Variants in NOL4 observed in about 807,000 individuals in gnomAD.
The protein encoded by NOL4 is nucleolar protein 4.
Under a neutral mutation model 75.9 loss-of-function variants are expected in NOL4, and 17 were observed. That is an observed-to-expected ratio of 0.22 (90% CI 0.15 to 0.34). The LOEUF is 0.34. Ranked by LOEUF, NOL4 falls within the 10% of genes least tolerant of loss-of-function variation. The pLI, the probability that NOL4 is intolerant of heterozygous loss-of-function variation, is 1.00. For missense variants in NOL4, 614 were observed against 793.5 expected (o/e 0.77, Z 2.72); for synonymous variants, 292 against 289.9 (o/e 1.01, Z -0.07).
intron 1 of NOL4, among the ~76,000 whole-genome samples, chr18:34,196,246 A>G (rs1287985093): frequency 1.3e-5 from 2 of 152,154 alleles, no homozygotes; most frequent in Non-Finnish European, 2.9e-5. Flanking sequence ...TAATGTGTGC[A>G]TATACTTACC....
chr18:33,975,810 C>G (rs2071448873), intron 6 of NOL4, among the ~76,000 whole-genome samples: 1 of 152,140 alleles, frequency 6.6e-6, no homozygotes, highest in South Asian at 2.1e-4. Context: ...AATTAATACA[C>G]ATGGAAATAA....
chr18:33,870,799 A>T (rs1249474219), intron 10 of NOL4, among the ~76,000 whole-genome samples: 3 of 152,110 alleles, frequency 2.0e-5, no homozygotes, highest in African/African-American at 7.2e-5. Context: ...TCCTAAATTC[A>T]GAAGACTGTA....
chr18:34,079,950 C>T (rs916913035), intron 5 of NOL4, among the ~76,000 whole-genome samples: 2 of 152,202 alleles, frequency 1.3e-5, no homozygotes, highest in Non-Finnish European at 2.9e-5. Flanking sequence ...CAGACTTAGC[C>T]TAAGGGCTGT....
At chr18:33,859,533 C>T (rs1211900814) in intron 10 of NOL4, among the ~76,000 whole-genome samples, 2 of 152,098 alleles carry the variant, frequency 1.3e-5, no homozygotes, top group Non-Finnish European at 2.9e-5. Flanking sequence ...TTATGACTTT[C>T]AATTTCTCCT....
At chr18:34,154,217 T>C (rs2029911882) in intron 1 of NOL4, among the ~76,000 whole-genome samples, 1 of 151,982 alleles carries the variant, frequency 6.6e-6, no homozygotes, top group African/African-American at 2.4e-5. Context: ...CTTAATACAG[T>C]AGTTAATGAC....
In NOL4 at chr18:34,163,335, G is replaced by C. The variant is rs374225575; in HGVS notation, c.265-33315C>G. Among the ~76,000 whole-genome samples, 387 of 151,612 alleles carry C rather than the reference G, an allele frequency of 2.6e-3. 1 individual carries two copies. The highest frequency in any genetic ancestry group is 4.5e-3 in the Non-Finnish European group (308 of 67,806). On this transcript the variant is annotated intron_variant, in intron 1 of 10. Coordinates refer to ENST00000261592, the MANE Select transcript of NOL4 (RefSeq NM_003787.5). Reference sequence around the variant, plus strand: ...TGCAGATGACATGATTGTATATCTAGAAAACCCCACTGTCTCAGCCCAAAA... The same window carrying C: ...TGCAGATGACATGATTGTATATCTACAAAACCCCACTGTCTCAGCCCAAAA...
intron 5 of NOL4, 36 bp downstream of exon 5, chr18:34,093,429 G>A: frequency 6.6e-7 from 1 of 1,520,234 alleles, no homozygotes; most frequent in Non-Finnish European, 8.9e-7. Context: ...TTTTTTTGCT[G>A]TTGTTTTGCT....
chr18:34,075,679 G>A (rs950191567), intron 5 of NOL4, among the ~76,000 whole-genome samples: 13 of 152,114 alleles, frequency 8.5e-5, no homozygotes, highest in African/African-American at 2.7e-4. Flanking sequence ...TTAGAGACAC[G>A]GTCAAGGTGA....
intron 8 of NOL4, among the ~76,000 whole-genome samples, chr18:33,949,746 T>C (rs2069081744): frequency 6.6e-6 from 1 of 152,120 alleles, no homozygotes; most frequent in Admixed American, 6.6e-5. Flanking sequence ...TTAGAAATAT[T>C]TCATTTATGA....
At position 33,929,258 on chromosome 18, in the gene NOL4, C is replaced by T. The variant is rs375376564; in HGVS notation, c.1542+13807G>A. Reference sequence around the variant, plus strand: ...CTTCACAACAATCTCAAGTTTCCTCCATAAGAAACTGCTGTTTTTGATAGT... The same window carrying T: ...CTTCACAACAATCTCAAGTTTCCTCTATAAGAAACTGCTGTTTTTGATAGT... On this transcript the variant is annotated intron_variant, in intron 9 of 10. Coordinates refer to ENST00000261592, the MANE Select transcript of NOL4 (RefSeq NM_003787.5). Among the ~76,000 whole-genome samples the T allele has an allele frequency of 7.2e-4, 109 of 152,236 alleles. 1 individual carries two copies. The South Asian group carries it at 0.02, about 28-fold the overall frequency.
chr18:33,924,600 T>C (rs940973315), intron 9 of NOL4, among the ~76,000 whole-genome samples: 1 of 152,188 alleles, frequency 6.6e-6, no homozygotes, highest in Non-Finnish European at 1.5e-5. Context: ...CTCATCCCAG[T>C]ATGTAAATAC....
At chr18:34,106,679 G>A (rs2079297886) in intron 2 of NOL4, among the ~76,000 whole-genome samples, 1 of 151,176 alleles carries the variant, frequency 6.6e-6, no homozygotes, top group African/African-American at 2.4e-5. Flanking sequence ...TATAATTTAG[G>A]TTCTCATTCA....
intron 9 of NOL4, among the ~76,000 whole-genome samples, chr18:33,938,553 A>T (rs1184633166): frequency 6.6e-6 from 1 of 151,956 alleles, no homozygotes; most frequent in East Asian, 1.9e-4. Flanking sequence ...CTCTTTTCAT[A>T]TGTTTCTTGG....
At chr18:33,864,674 T>C (rs116409893) in intron 10 of NOL4, among the ~76,000 whole-genome samples, 2,161 of 152,286 alleles carry the variant, frequency 0.014, 51 homozygotes, top group African/African-American at 0.049. Flanking sequence ...AGGTTATCTT[T>C]ATAGCAGTTT....
intron 6 of NOL4, among the ~76,000 whole-genome samples, chr18:33,982,278 T>TCAAA (rs551725039): frequency 2.3e-4 from 35 of 152,010 alleles, no homozygotes; most frequent in Admixed American, 1.6e-3. Flanking sequence ...TCAGAGTGGA[T>TCAAA]CAAAAATCAA....
intron 1 of NOL4, among the ~76,000 whole-genome samples, chr18:34,181,977 A>T (rs1568426492): frequency 6.6e-6 from 1 of 151,580 alleles, no homozygotes; most frequent in Non-Finnish European, 1.5e-5. Context: ...AAATGGTACA[A>T]CTACCTTGAA....
intron 1 of NOL4, chr18:34,158,526 T>A (rs1857760462): frequency 6.6e-6 from 1 of 152,164 alleles, no homozygotes. Flanking sequence ...AGCACTGGCA[T>A]ATAGAACTGG....
intron 6 of NOL4, among the ~76,000 whole-genome samples, chr18:33,965,484 C>T (rs1034619587): frequency 2.0e-5 from 3 of 152,096 alleles, no homozygotes; most frequent in African/African-American, 7.2e-5. Context: ...CAGAGCAATA[C>T]CTTGTGATAC....
chr18:33,978,215 A>G (rs1022816890), intron 6 of NOL4, among the ~76,000 whole-genome samples: 2 of 152,180 alleles, frequency 1.3e-5, no homozygotes, highest in African/African-American at 4.8e-5. Flanking sequence ...ATATTTATTG[A>G]AAGATATATG....
Sources: allele counts gnomAD v4.1 joint callset (sites outside exome capture counted in the v4.1 genomes callset), GRCh38; gene constraint gnomAD v4.1.1; transcripts MANE v1.5; gene names NCBI Gene and HGNC (gene_info 2026-07-23, HGNC 2026-07-21).